The following GALNT13 variants were observed in gnomAD, a reference collection of about 807,000 sequenced individuals.
The protein encoded by GALNT13 is UDP-GalNAc:polypeptide N-acetylgalactosaminyltransferase 13.
In GALNT13, 28 loss-of-function variants were observed where a neutral mutation model predicts 64.2. The observed-to-expected ratio is 0.44, with a 90% CI of 0.32 to 0.60. The LOEUF is 0.60. GALNT13 is among the 20% of genes least tolerant of loss of function. GALNT13 has a pLI of 0.05. For synonymous variants in GALNT13, 214 were observed against 224.6 expected (o/e 0.95, Z 0.42); for missense variants, 577 against 669.8 (o/e 0.86, Z 1.53).
At chr2:153,634,120 T>C in the GALNT13 span, among the ~76,000 whole-genome samples, 2 of 152,154 alleles carry the variant, frequency 1.3e-5, no homozygotes, top group African/African-American at 4.8e-5. Context: ...ACAGAAGTTA[T>C]ACAGGGAGTC....
rs549212284 is a variant in GALNT13, at chr2:154,027,925, G to T, written c.142+83286G>T. Among the ~76,000 whole-genome samples the T allele has an allele frequency of 8.1e-4, 124 of 152,190 alleles. 1 individual carries two copies. Among genetic ancestry groups the T allele is most frequent in the Non-Finnish European group, 1.5e-3 (105 of 67,998 alleles). ...TATATTATTACATATTGCACATCAA[G>T]AATATTTTTAAATAAAGTGAATATT... On this transcript the variant is annotated intron_variant, in intron 3 of 12. Transcript: ENST00000392825.
At chr2:153,542,768 AC>A in the GALNT13 span, among the ~76,000 whole-genome samples, 1 of 152,214 alleles carries the variant, frequency 6.6e-6, no homozygotes, top group Non-Finnish European at 1.5e-5. Context: ...CAGGAATCTG[AC>A]AAAAGTTTGG....
the GALNT13 span, among the ~76,000 whole-genome samples, chr2:153,489,726 T>C: frequency 1.3e-5 from 2 of 152,132 alleles, no homozygotes; most frequent in African/African-American, 2.4e-5. Context: ...ATAGGTAAGA[T>C]CAGGTGTATA....
At chr2:154,201,864 C>T (rs1687190112) in intron 4 of GALNT13, among the ~76,000 whole-genome samples, 1 of 152,072 alleles carries the variant, frequency 6.6e-6, no homozygotes, top group Non-Finnish European at 1.5e-5. Flanking sequence ...GTCCTTGTTC[C>T]ATTAGAGTGA....
At chr2:153,480,634 T>C in the GALNT13 span, among the ~76,000 whole-genome samples, 4 of 152,094 alleles carry the variant, frequency 2.6e-5, no homozygotes, top group African/African-American at 9.7e-5. Flanking sequence ...ATGTGGGTAG[T>C]CCTCAAGAAT....
At chr2:153,978,009 T>C (rs1694194017) in intron 3 of GALNT13, among the ~76,000 whole-genome samples, 1 of 152,186 alleles carries the variant, frequency 6.6e-6, no homozygotes, top group South Asian at 2.1e-4. Flanking sequence ...AGGATGCTAT[T>C]CATGCCTCAG....
intron 9 of GALNT13, among the ~76,000 whole-genome samples, chr2:154,393,883 C>A (rs569505529): frequency 2.3e-4 from 34 of 151,046 alleles, no homozygotes; most frequent in Non-Finnish European, 5.0e-4. Flanking sequence ...TCGAGACCAT[C>A]CCGGCTAAAA....
intron 4 of GALNT13, among the ~76,000 whole-genome samples, chr2:154,148,193 G>C (rs1389652564): frequency 2.0e-5 from 3 of 151,646 alleles, no homozygotes; most frequent in Non-Finnish European, 4.4e-5. Flanking sequence ...TTTTGTTCTT[G>C]TGATAGTTTA....
the GALNT13 span, among the ~76,000 whole-genome samples, chr2:153,532,238 A>G: frequency 1.3e-5 from 2 of 152,078 alleles, no homozygotes; most frequent in African/African-American, 4.8e-5. Flanking sequence ...CCCAGATCTC[A>G]ACTCTTGCAT....
At position 153,884,766 on chromosome 2, in the gene GALNT13, AATATAT is replaced by A. The variant is rs372541314; in HGVS notation, c.-177+12478_-177+12483del. On this transcript the variant is annotated intron_variant, in intron 1 of 12. Transcript: ENST00000392825. The stretch of plus-strand genomic sequence containing the variant: ...AAACCCAGTCTGTACTAAAAATACG[AATATAT>A]ATATATATATATATGTGTGTGTATA... Among the ~76,000 whole-genome samples the A allele has an allele frequency of 3.8e-4, 44 of 116,370 alleles. 1 individual carries two copies. The highest frequency in any genetic ancestry group is 1.6e-3 in the African/African-American group (43 of 27,640). 76.3% of individuals were successfully genotyped at this position (116,370 alleles called of 152,430 possible).
intron 3 of GALNT13, among the ~76,000 whole-genome samples, chr2:153,985,078 C>T (rs532761404): frequency 1.6e-4 from 24 of 152,092 alleles, no homozygotes; most frequent in East Asian, 1.2e-3. Flanking sequence ...GTTGTAAGAT[C>T]AACTACAACT....
At chr2:153,230,339 AG>A in the GALNT13 span, among the ~76,000 whole-genome samples, 6 of 152,340 alleles carry the variant, frequency 3.9e-5, no homozygotes, top group East Asian at 1.9e-4. Flanking sequence ...GAAATATAAA[AG>A]TATTATAGCA....
At chr2:153,465,977 C>T in the GALNT13 span, among the ~76,000 whole-genome samples, 14 of 152,138 alleles carry the variant, frequency 9.2e-5, no homozygotes, top group African/African-American at 2.9e-4. Context: ...TTGTTTAGAT[C>T]AGACAGCATA....
chr2:153,871,433 G>A (rs1015339064), upstream of GALNT13, among the ~76,000 whole-genome samples: 1 of 152,104 alleles, frequency 6.6e-6, no homozygotes, highest in Non-Finnish European at 1.5e-5. Flanking sequence ...CAAGTACCCC[G>A]CAGCATCTCT....
At chr2:153,996,561 A>G (rs979841645) in intron 3 of GALNT13, among the ~76,000 whole-genome samples, 8 of 152,072 alleles carry the variant, frequency 5.3e-5, no homozygotes, top group African/African-American at 1.7e-4. Context: ...AGTTCTTCAT[A>G]TATTCTGGAT....
At chr2:153,086,690 T>A in the GALNT13 span, among the ~76,000 whole-genome samples, 7 of 151,898 alleles carry the variant, frequency 4.6e-5, no homozygotes, top group Non-Finnish European at 8.8e-5. Flanking sequence ...CTAATACTAT[T>A]CCTAAGTATT....
At chr2:154,306,909 T>A (rs531058723) in intron 9 of GALNT13, among the ~76,000 whole-genome samples, 1 of 152,268 alleles carries the variant, frequency 6.6e-6, no homozygotes, top group African/African-American at 2.4e-5. Flanking sequence ...CCATAATTTT[T>A]CATCTTGTGG....
chr2:153,400,534 G>C, the GALNT13 span, among the ~76,000 whole-genome samples: 1 of 152,048 alleles, frequency 6.6e-6, no homozygotes, highest in African/African-American at 2.4e-5. Context: ...GGTAGAATTC[G>C]GCTGTGAATC....
the GALNT13 span, among the ~76,000 whole-genome samples, chr2:153,802,488 C>T: frequency 5.3e-5 from 8 of 152,134 alleles, no homozygotes; most frequent in African/African-American, 1.7e-4. Flanking sequence ...TTCTTGCAAA[C>T]TTTATAGTAG....
Sources: gnomAD v4.1 joint callset for allele counts (sites outside exome capture counted in the v4.1 genomes callset) on GRCh38, gnomAD v4.1.1 for gene constraint, MANE v1.5 for transcripts, NCBI Gene and HGNC (gene_info 2026-07-23, HGNC 2026-07-21) for gene names.